Variants in TAOK1 observed in about 807,000 individuals in gnomAD.
TAOK1 encodes serine/threonine-protein kinase TAO1.
In TAOK1, 21 loss-of-function variants were observed where a neutral mutation model predicts 138.3. The observed-to-expected ratio is 0.15, with a 90% CI of 0.11 to 0.22. The LOEUF (loss-of-function observed/expected upper bound fraction) is 0.22. Ranked by LOEUF, TAOK1 falls within the 10% of genes least tolerant of loss-of-function variation. The pLI is 1.00. For synonymous variants in TAOK1, 361 were observed against 398.4 expected, an observed-to-expected ratio of 0.91 and a Z score of 1.12; for missense variants, 651 against 1,227.7, an observed-to-expected ratio of 0.53 and a Z score of 7.02.
At chr17:29,463,808 A>G (rs2030589354) in intron 2 of TAOK1, among the ~76,000 whole-genome samples, 1 of 152,198 alleles carries the variant, frequency 6.6e-6, no homozygotes, top group African/African-American at 2.4e-5. Context: ...ATATTTGCAA[A>G]TGATATATCT....
intron 1 of TAOK1, among the ~76,000 whole-genome samples, chr17:29,412,815 A>C (rs887578969): frequency 6.6e-6 from 1 of 152,160 alleles, no homozygotes; most frequent in African/African-American, 2.4e-5. Flanking sequence ...AACCCATATA[A>C]ATGTTGATGC....
intron 8 of TAOK1, among the ~76,000 whole-genome samples, chr17:29,486,920 A>G (rs1266262413): frequency 2.0e-5 from 3 of 152,148 alleles, no homozygotes; most frequent in African/African-American, 7.2e-5. Flanking sequence ...CAAAGATGGG[A>G]TATTGGTTAC....
intron 1 of TAOK1, among the ~76,000 whole-genome samples, chr17:29,391,496 C>G (rs1194460328): frequency 6.6e-6 from 1 of 152,176 alleles, no homozygotes. Context: ...TTTCTCTCCC[C>G]GTACCCTTCC....
intron 7 of TAOK1, among the ~76,000 whole-genome samples, chr17:29,481,869 A>C (rs1005415625): frequency 7.2e-5 from 11 of 152,100 alleles, no homozygotes; most frequent in African/African-American, 2.7e-4. Context: ...CTGAGGCAGG[A>C]GAATGGCGTG....
chr17:29,521,640 C>T lies in TAOK1; in HGVS notation c.1909-640C>T, dbSNP rs535812640. Among the ~76,000 whole-genome samples the T allele has an allele frequency of 2.6e-5, 4 of 152,236 alleles. No individual in the cohort carries two copies. In the East Asian group the frequency reaches 5.8e-4, roughly 22 times the overall value. On this transcript the variant is annotated intron_variant, in intron 16 of 19. Transcript: ENST00000261716. ...CTCTGTCGCCCAGGCTGGAGTGCAG[C>T]GGCTTGATCTCAGCTCCCTGCAAGC...
At chr17:29,468,540 T>C (rs1011397015) in intron 3 of TAOK1, among the ~76,000 whole-genome samples, 1 of 150,918 alleles carries the variant, frequency 6.6e-6, no homozygotes, top group African/African-American at 2.4e-5. Flanking sequence ...CAGTAAATTA[T>C]ACTGGATATG....
At chr17:29,522,644 A>C (rs1347075327) in intron 17 of TAOK1, 125 bp downstream of exon 17, 2 of 1,386,770 alleles carry the variant, frequency 1.4e-6, no homozygotes, top group Non-Finnish European at 9.7e-7. Flanking sequence ...CATTTTTAGC[A>C]TCTTTGGTTG....
chr17:29,487,489 G>A (rs2031198707), intron 8 of TAOK1, among the ~76,000 whole-genome samples: 1 of 152,096 alleles, frequency 6.6e-6, no homozygotes, highest in Non-Finnish European at 1.5e-5. Context: ...GTGTCTGAGA[G>A]CAGTGACACC....
intron 1 of TAOK1, among the ~76,000 whole-genome samples, chr17:29,436,773 T>C (rs1026994006): frequency 6.6e-6 from 1 of 152,310 alleles, no homozygotes; most frequent in Admixed American, 6.5e-5. Context: ...TACTAAGATA[T>C]AACCTAAAGA....
chr17:29,466,364 G>A (rs747919416), intron 2 of TAOK1, among the ~76,000 whole-genome samples: 5 of 152,032 alleles, frequency 3.3e-5, no homozygotes, highest in Non-Finnish European at 7.4e-5. Context: ...GGCTGATCTC[G>A]AACTGCTGAC....
intron 2 of TAOK1, among the ~76,000 whole-genome samples, chr17:29,463,430 G>T (rs1193063231): frequency 6.6e-6 from 1 of 152,072 alleles, no homozygotes; most frequent in African/African-American, 2.4e-5. Context: ...AATTAGCCGG[G>T]CATGGTGGCA....
chr17:29,480,262 T>G (rs2031033047), intron 6 of TAOK1, 106 bp from the exon 7 acceptor site: 1 of 748,544 alleles, frequency 1.3e-6, no homozygotes, highest in African/African-American at 1.8e-5. Context: ...ACTTAATTAT[T>G]TTGATTTCTC....
At chr17:29,446,537 A>T (rs2030083568) in intron 1 of TAOK1, among the ~76,000 whole-genome samples, 1 of 151,960 alleles carries the variant, frequency 6.6e-6, no homozygotes, top group Non-Finnish European at 1.5e-5. Flanking sequence ...CACCGCACCC[A>T]GGCTGTATTT....
chr17:29,426,144 T>C (rs1446132206), intron 1 of TAOK1, among the ~76,000 whole-genome samples: 3 of 152,172 alleles, frequency 2.0e-5, no homozygotes, highest in Admixed American at 2.0e-4. Context: ...CCTCCCAAAG[T>C]GCTGGGATTA....
chr17:29,534,308 T>A lies in TAOK1; in HGVS notation c.2544+8T>A, dbSNP rs1320913247. ...GCACTCTTAGAACAAAAGGTATAAG[T>A]AATAGAAGGAAAAATCATTGTTTTC... On this transcript the variant is annotated splice_region_variant and intron_variant, in intron 19 of 19. Coordinates refer to ENST00000261716, the MANE Select transcript of TAOK1 (RefSeq NM_020791.4). 1 of 1,529,292 alleles carries A rather than the reference T, an allele frequency of 6.5e-7. No individual in the cohort carries two copies. Among genetic ancestry groups the A allele is most frequent in the Non-Finnish European group, 8.8e-7 (1 of 1,138,560 alleles). The allele number at this position is 1,529,292 out of a possible 1,614,324, so 94.7% of individuals were successfully genotyped here.
At chr17:29,452,315 C>T (rs2030260378) in intron 2 of TAOK1, among the ~76,000 whole-genome samples, 1 of 152,128 alleles carries the variant, frequency 6.6e-6, no homozygotes, top group East Asian at 1.9e-4. Flanking sequence ...GAATTCTTAG[C>T]ACACCTTTTT....
At chr17:29,498,607 A>T in intron 12 of TAOK1, 86 bp downstream of exon 12, 1 of 1,500,112 alleles carries the variant, frequency 6.7e-7, no homozygotes. Context: ...AAGAAGGAAG[A>T]TAAGGAAGTT....
intron 17 of TAOK1, among the ~76,000 whole-genome samples, chr17:29,524,401 AG>A (rs1287898553): frequency 6.6e-6 from 1 of 152,214 alleles, no homozygotes; most frequent in Non-Finnish European, 1.5e-5. Flanking sequence ...GGTGATGGAT[AG>A]GTGTTTGACA....
chr17:29,448,709 TTGTTC>T (rs1221578622), intron 1 of TAOK1, among the ~76,000 whole-genome samples: 2 of 152,216 alleles, frequency 1.3e-5, no homozygotes, highest in Non-Finnish European at 2.9e-5. Context: ...TGCATACTGT[TTGTTC>T]TGTAAGTATT....
Sources: allele counts gnomAD v4.1 joint callset (sites outside exome capture counted in the v4.1 genomes callset), GRCh38; gene constraint gnomAD v4.1.1; transcripts MANE v1.5; gene names NCBI Gene and HGNC (gene_info 2026-07-23, HGNC 2026-07-21).